KALRN: variants seen among roughly 807,000 people sequenced by gnomAD.
KALRN encodes kalirin RhoGEF kinase, also known as kalirin.
Under a neutral mutation model 353.7 loss-of-function variants are expected in KALRN, and 70 were observed. The observed-to-expected ratio is 0.20, with a 90% CI of 0.16 to 0.24. KALRN has a LOEUF of 0.24. KALRN is among the 10% of genes least tolerant of loss of function. KALRN has a pLI of 1.00. For synonymous variants in KALRN, 1,391 were observed against 1,434.8 expected (o/e 0.97, Z 0.69); for missense variants, 2,791 against 3,756.7 (o/e 0.74, Z 6.72).
chr3:124,185,609 C>T (rs955017501), intron 1 of KALRN, among the ~76,000 whole-genome samples: 3 of 152,232 alleles, frequency 2.0e-5, no homozygotes, highest in Non-Finnish European at 1.5e-5. Flanking sequence ...GCAGTAGTTG[C>T]TCCAGAGTTT....
In KALRN at chr3:124,720,887, C is replaced by G. The variant is rs2063342910; in HGVS notation, c.*1417C>G. On this transcript the variant is annotated 3_prime_UTR_variant, in exon 60 of 60. Transcript: ENST00000682506. ...GTTTTTTGTGTTTGTACATGATCCA[C>G]CCTTAGTTTTCTAGAATGTGTGTTG... 6.6e-6 allele frequency: 1 copy of G among 152,106 alleles called. No homozygotes were observed. Among genetic ancestry groups the G allele is most frequent in the African/African-American group, 2.4e-5 (1 of 41,420 alleles). 9.4% of individuals were successfully genotyped at this position (152,106 alleles called of 1,614,324 possible).
intron 28 of KALRN, among the ~76,000 whole-genome samples, chr3:124,485,805 A>G (rs544360646): frequency 6.6e-6 from 1 of 152,274 alleles, no homozygotes; most frequent in African/African-American, 2.4e-5. Context: ...GCTTGAACCC[A>G]GGAGGCGGAG....
At chr3:124,107,909 G>T (rs1294221236) in intron 1 of KALRN, among the ~76,000 whole-genome samples, 4 of 152,156 alleles carry the variant, frequency 2.6e-5, no homozygotes, top group Non-Finnish European at 5.9e-5. Flanking sequence ...GGACAGAATG[G>T]GTCTCCTTTG....
intron 14 of KALRN, among the ~76,000 whole-genome samples, chr3:124,418,011 G>C (rs973942828): frequency 6.6e-6 from 1 of 152,140 alleles, no homozygotes; most frequent in Admixed American, 6.5e-5. Context: ...CTTGTGCCTA[G>C]CAAGTTCTCA....
intron 1 of KALRN, among the ~76,000 whole-genome samples, chr3:124,133,825 C>G (rs1408072039): frequency 6.6e-6 from 1 of 152,068 alleles, no homozygotes; most frequent in East Asian, 1.9e-4. Context: ...ACTAAAATGG[C>G]CTTTATCAAG....
At chr3:124,522,549 T>G (rs1317638978) in intron 33 of KALRN, among the ~76,000 whole-genome samples, 1 of 152,142 alleles carries the variant, frequency 6.6e-6, no homozygotes, top group Admixed American at 6.5e-5. Context: ...TCCCTTTTTG[T>G]GGGGCACTAA....
chr3:124,117,155 A>C (rs1000408898), intron 1 of KALRN, among the ~76,000 whole-genome samples: 2 of 152,188 alleles, frequency 1.3e-5, no homozygotes, highest in Non-Finnish European at 2.9e-5. Flanking sequence ...CAAGTGGCAG[A>C]TGGAAGGTCA....
At chr3:124,710,753 C>T (rs12494089) in intron 57 of KALRN, among the ~76,000 whole-genome samples, 12,948 of 152,212 alleles carry the variant, frequency 0.085, 913 homozygotes, top group East Asian at 0.32. Flanking sequence ...CATGCTACTG[C>T]ACTCAAGCGT....
At chr3:124,511,523 G>A (rs563060470) in intron 33 of KALRN, among the ~76,000 whole-genome samples, 1 of 152,228 alleles carries the variant, frequency 6.6e-6, no homozygotes, top group Non-Finnish European at 1.5e-5. Context: ...TGCATATTCT[G>A]TATAATAGGC....
intron 5 of KALRN, among the ~76,000 whole-genome samples, chr3:124,296,838 C>T (rs184625067): frequency 4.6e-5 from 7 of 152,354 alleles, no homozygotes; most frequent in Admixed American, 1.3e-4. Flanking sequence ...TGGCTGATTC[C>T]TATCTGAATC....
chr3:124,300,705 T>C (rs1441868363), intron 6 of KALRN, among the ~76,000 whole-genome samples: 1 of 152,140 alleles, frequency 6.6e-6, no homozygotes, highest in Non-Finnish European at 1.5e-5. Context: ...CACTGAAAGA[T>C]GTTAGGTAGA....
rs771885901 is a variant in KALRN, at chr3:124,491,434, GCT to G, written c.4689+15_4689+16del. 15 of 1,575,130 alleles carry G rather than the reference GCT, an allele frequency of 9.5e-6. No individual in the cohort carries two copies. In the South Asian group the frequency reaches 1.8e-4, roughly 18 times the overall value. On this transcript the variant is annotated intron_variant, in intron 31 of 59. Coordinates refer to ENST00000682506, the MANE Select transcript of KALRN (RefSeq NM_001388419.1). ...TAAAACAGTGCTGAAAGTAAGTACT[GCT>G]CTCTGCTAGGCACAAACTAGGGTTG...
chr3:124,578,113 T>G (rs1241376451), intron 34 of KALRN, among the ~76,000 whole-genome samples: 1 of 152,246 alleles, frequency 6.6e-6, no homozygotes, highest in Non-Finnish European at 1.5e-5. Context: ...ATTCACCCTG[T>G]TCTTCTTTGT....
Position 124,398,864 on chromosome 3 carries a change from C to T in KALRN, c.2339C>T (p.Thr780Ile). ...FLQLRIFEQY[T>I]IEVTAELDAW... ...CAACTGCGCATCTTTGAGCAGTACACCATCGAGGTAGCAGGGGGCCAGGAG... is the reference window on the plus strand; with the variant it reads ...CAACTGCGCATCTTTGAGCAGTACATCATCGAGGTAGCAGGGGGCCAGGAG... Residue 780 changes from threonine to isoleucine, a missense_variant, in exon 13 of 60, where the codon ACC becomes ATC. This residue lies in a region of KALRN where 452 missense variants were observed against 575.8 expected (regional missense o/e 0.78). Coordinates refer to ENST00000682506, the MANE Select transcript of KALRN (RefSeq NM_001388419.1). The T allele has an allele frequency of 6.2e-7, 1 of 1,606,162 alleles. No homozygotes were observed. The highest frequency in any genetic ancestry group is 8.5e-7 in the Non-Finnish European group (1 of 1,175,402).
rs2063315364 is a variant in KALRN at position 124,719,766 on chromosome 3, G to A, written c.*296G>A. 7.5e-6 allele frequency: 2 copies of A among 265,296 alleles called. No homozygotes were observed. Among genetic ancestry groups the A allele is most frequent in the Non-Finnish European group, 1.4e-5 (2 of 138,700 alleles). 16.4% of individuals were successfully genotyped at this position (265,296 alleles called of 1,614,324 possible). On this transcript the variant is annotated 3_prime_UTR_variant, in exon 60 of 60. Coordinates refer to ENST00000682506, the MANE Select transcript of KALRN (RefSeq NM_001388419.1). This position sits in a 1 kb window ranked among gnomAD's most constrained non-coding sequence, Gnocchi z 5.3. ...TATTAGCTGTTACGAAATTTTAACT[G>A]TATCTTCCAAAATGAGTGGTTAACT...
chr3:124,571,784 C>T (rs2073535370), intron 34 of KALRN, among the ~76,000 whole-genome samples: 1 of 151,496 alleles, frequency 6.6e-6, no homozygotes, highest in African/African-American at 2.4e-5. Flanking sequence ...TTGCCACCAT[C>T]CCTAGCTAAT....
At chr3:124,440,563 T>C (rs1349617361) in intron 18 of KALRN, among the ~76,000 whole-genome samples, 2 of 151,702 alleles carry the variant, frequency 1.3e-5, no homozygotes, top group Non-Finnish European at 1.5e-5. Flanking sequence ...CCTTTGTTGC[T>C]AATTTTTTTA....
At chr3:124,420,272 T>G (rs1306133449) in intron 14 of KALRN, among the ~76,000 whole-genome samples, 2 of 152,184 alleles carry the variant, frequency 1.3e-5, no homozygotes, top group Non-Finnish European at 2.9e-5. Flanking sequence ...ATAAGTAACA[T>G]GTGGTGTGGC....
At chr3:124,421,765 A>C (rs993430827) in intron 14 of KALRN, among the ~76,000 whole-genome samples, 4 of 152,192 alleles carry the variant, frequency 2.6e-5, no homozygotes, top group Non-Finnish European at 4.4e-5. Flanking sequence ...AATTTATTTG[A>C]TGAAGGCTAC....
Sources: allele counts gnomAD v4.1 joint callset (sites outside exome capture counted in the v4.1 genomes callset), GRCh38; gene constraint gnomAD v4.1.1; regional missense constraint gnomAD v4.1.1; non-coding constraint Gnocchi (gnomAD v3.1); transcripts MANE v1.5; gene names NCBI Gene and HGNC (gene_info 2026-07-23, HGNC 2026-07-21).